PTPRQ: variants seen among roughly 807,000 people sequenced by gnomAD.
The protein encoded by PTPRQ is phosphatidylinositol phosphatase PTPRQ.
PTPRQ carries 199 observed loss-of-function variants against 246.0 expected under a neutral mutation model. The ratio of observed to expected loss-of-function variants is 0.81; its 90% CI spans 0.72 to 0.91. PTPRQ has a LOEUF of 0.91. Ranked by LOEUF, PTPRQ falls within the 40% of genes least tolerant of loss-of-function variation. The pLI, the probability that PTPRQ is intolerant of heterozygous loss-of-function variation, is 0.00. For synonymous variants in PTPRQ, 869 were observed against 853.2 expected (o/e 1.02, Z -0.32); for missense variants, 2,624 against 2,528.4 (o/e 1.04, Z -0.81).
chr12:80,557,878 C>T (rs1392956088), intron 25 of PTPRQ, among the ~76,000 whole-genome samples: 1 of 152,162 alleles, frequency 6.6e-6, no homozygotes, highest in Non-Finnish European at 1.5e-5. Flanking sequence ...GGCATCTCTC[C>T]TCATTCTGAC....
At chr12:80,550,814 A>G in intron 25 of PTPRQ, among the ~76,000 whole-genome samples, 1 of 152,154 alleles carries the variant, frequency 6.6e-6, no homozygotes. Flanking sequence ...CATAGGAAAT[A>G]TGTTCATAGG....
chr12:80,571,359 C>T (rs926713005), intron 25 of PTPRQ, among the ~76,000 whole-genome samples: 2 of 152,158 alleles, frequency 1.3e-5, no homozygotes, highest in African/African-American at 4.8e-5. Flanking sequence ...AGGCTGGTCT[C>T]GAACTGCTGA....
intron 35 of PTPRQ, among the ~76,000 whole-genome samples, chr12:80,636,307 T>C (rs1213926338): frequency 6.6e-6 from 1 of 152,186 alleles, no homozygotes; most frequent in African/African-American, 2.4e-5. Flanking sequence ...ATGTACAAAA[T>C]ATCAAATATG....
At chr12:80,455,474 T>C (rs1203639147) in intron 3 of PTPRQ, among the ~76,000 whole-genome samples, 1 of 152,230 alleles carries the variant, frequency 6.6e-6, no homozygotes, top group Non-Finnish European at 1.5e-5. Flanking sequence ...GGTTTGAACA[T>C]TTCTAAAGTG....
chr12:80,447,418 C>G (rs958671869), intron 3 of PTPRQ, among the ~76,000 whole-genome samples: 1 of 151,880 alleles, frequency 6.6e-6, no homozygotes, highest in Non-Finnish European at 1.5e-5. Flanking sequence ...CCATTTAAGT[C>G]TATTTTAGTT....
At chr12:80,562,135 C>T (rs1896846543) in intron 25 of PTPRQ, among the ~76,000 whole-genome samples, 2 of 152,124 alleles carry the variant, frequency 1.3e-5, no homozygotes, top group African/African-American at 4.8e-5. Context: ...CCATGATATG[C>T]ATATTCCTAC....
intron 29 of PTPRQ, among the ~76,000 whole-genome samples, chr12:80,615,588 G>C (rs1403039267): frequency 6.6e-6 from 1 of 151,102 alleles, no homozygotes. Context: ...ATGTGTATAT[G>C]CTGCATTATG....
chr12:80,615,023 T>A (rs959705331), intron 29 of PTPRQ, among the ~76,000 whole-genome samples: 1 of 150,982 alleles, frequency 6.6e-6, no homozygotes, highest in Non-Finnish European at 1.5e-5. Context: ...ATTGACCTAC[T>A]GAATCAAAAT....
At chr12:80,578,260 G>A (rs546068316) in intron 25 of PTPRQ, among the ~76,000 whole-genome samples, 47 of 130,958 alleles carry the variant, frequency 3.6e-4, no homozygotes, top group African/African-American at 1.4e-3. Context: ...GTGACGTTCC[G>A]CTTCCTGTGT....
rs1894507593 is a variant in PTPRQ at position 80,493,292 on chromosome 12, G to A, written c.1377G>A (p.Met459Ile). The part of the protein sequence containing the change: ...TGNNEYINDP[M>I]APEIVNIVEP... ...AATTACAGTATATAAATGACCCCAT[G>A]GCTCCAGAAATTGTGAACATAGTAG... Residue 459 changes from methionine to isoleucine, a missense_variant, in exon 10 of 45, where the codon ATG (methionine) becomes ATA (isoleucine). By Grantham distance (10) the Met-to-Ile change is conservative. Coordinates refer to ENST00000644991, the MANE Select transcript of PTPRQ (RefSeq NM_001145026.2). 6.5e-7 allele frequency: 1 copy of A among 1,536,570 alleles called. No individual in the cohort carries two copies.
chr12:80,612,150 T>C (rs914982859), intron 28 of PTPRQ, among the ~76,000 whole-genome samples: 13 of 150,488 alleles, frequency 8.6e-5, no homozygotes, highest in Admixed American at 2.7e-4. Flanking sequence ...AGAACACTAA[T>C]TATGTTATGC....
chr12:80,457,846 G>A (rs1893026885), intron 4 of PTPRQ, among the ~76,000 whole-genome samples: 1 of 151,894 alleles, frequency 6.6e-6, no homozygotes, highest in Non-Finnish European at 1.5e-5. Context: ...AACAGTAAAT[G>A]TTATCTTACA....
At chr12:80,659,464 G>T (rs1720439862) in intron 39 of PTPRQ, among the ~76,000 whole-genome samples, 1 of 151,964 alleles carries the variant, frequency 6.6e-6, no homozygotes, top group African/African-American at 2.4e-5. Context: ...GTGACCTATT[G>T]ATTTGTATCA....
intron 17 of PTPRQ, among the ~76,000 whole-genome samples, chr12:80,525,736 T>A (rs1177916243): frequency 6.6e-6 from 1 of 152,052 alleles, no homozygotes; most frequent in Non-Finnish European, 1.5e-5. Flanking sequence ...GTTCTACTTA[T>A]AAGAAGTCAA....
At chr12:80,539,663 A>G (rs903344214) in intron 19 of PTPRQ, 113 bp from the exon 20 acceptor site, 1 of 890,074 alleles carries the variant, frequency 1.1e-6, no homozygotes. Context: ...TCCTAAAACA[A>G]CATATTAAAA....
At chr12:80,446,786 A>G (rs1468885858) in intron 3 of PTPRQ, among the ~76,000 whole-genome samples, 5 of 152,004 alleles carry the variant, frequency 3.3e-5, no homozygotes, top group South Asian at 2.1e-4. Flanking sequence ...ATAGTATTCC[A>G]TGGTGTATAT....
At position 80,484,480 on chromosome 12, in the gene PTPRQ, C is replaced by G; in HGVS notation, c.1234C>G (p.Gln412Glu). 1 of 1,550,972 alleles carries G rather than the reference C, an allele frequency of 6.4e-7. No individual in the cohort carries two copies. Among genetic ancestry groups the G allele is most frequent in the Non-Finnish European group, 8.7e-7 (1 of 1,146,780 alleles). ...DLQLAEVEST[Q>E]VRITWKKPRQ... ...ACAACTTGCAGAGGTAGAATCCACG[C>G]AAGTAAGAATTACTTGGAAGAAACC... Residue 412 changes from glutamine to glutamate, a missense_variant, in exon 9 of 45, where the codon CAA becomes GAA. Gln to Glu is a conservative substitution (Grantham distance 29, BLOSUM62 2). Coordinates refer to ENST00000644991, the MANE Select transcript of PTPRQ (RefSeq NM_001145026.2).
Position 80,648,891 on chromosome 12 carries a change from T to C in PTPRQ, c.5916-6T>C, listed in dbSNP as rs1379753398. The C allele has an allele frequency of 1.3e-6, 2 of 1,531,170 alleles. No homozygotes were observed. Among genetic ancestry groups the C allele is most frequent in the Non-Finnish European group, 1.8e-6 (2 of 1,138,646 alleles). 94.8% of individuals were successfully genotyped at this position (1,531,170 alleles called of 1,614,324 possible). On this transcript the variant is annotated splice_polypyrimidine_tract_variant and splice_region_variant and intron_variant, in intron 35 of 44. Coordinates refer to ENST00000644991, the MANE Select transcript of PTPRQ (RefSeq NM_001145026.2). ...CACAATGCATTTAACACAATCTCTA[T>C]TGCAGGTTACTTAGTTATAGAAAAT...
In PTPRQ at chr12:80,535,005, T is replaced by A; in HGVS notation, c.2953T>A (p.Tyr985Asn). Residue 985 changes from tyrosine (Y) to asparagine (N), a missense_variant, in exon 19 of 45, where the codon TAT (tyrosine) becomes AAT (asparagine). Coordinates refer to ENST00000644991, the MANE Select transcript of PTPRQ (RefSeq NM_001145026.2). ...PNGIIQYYSV[Y>N]YRNTSGTFMQ... Reference sequence around the variant, plus strand: ...TGGGATTATACAATATTACTCTGTTTATTACAGAAATACTTCAGGTACTTT... The same window carrying A: ...TGGGATTATACAATATTACTCTGTTAATTACAGAAATACTTCAGGTACTTT... The A allele has an allele frequency of 6.5e-7, 1 of 1,536,318 alleles. No homozygotes were observed. The highest frequency in any genetic ancestry group is 8.8e-7 in the Non-Finnish European group (1 of 1,142,526).
Sources: allele counts gnomAD v4.1 joint callset (sites outside exome capture counted in the v4.1 genomes callset), GRCh38; gene constraint gnomAD v4.1.1; transcripts MANE v1.5; gene names NCBI Gene and HGNC (gene_info 2026-07-23, HGNC 2026-07-21).